The following SGMS1 variants were observed in gnomAD, a reference collection of about 807,000 sequenced individuals.
The protein encoded by SGMS1 is sphingomyelin synthase 1, also known as phosphatidylcholine:ceramide cholinephosphotransferase 1.
A neutral mutation model predicts 46.2 loss-of-function variants in SGMS1; 13 were observed. That is an observed-to-expected ratio of 0.28 (90% CI 0.18 to 0.45). The LOEUF (loss-of-function observed/expected upper bound fraction) is 0.45, where lower values mean the gene tolerates loss of function less well. SGMS1 is among the 20% of genes least tolerant of loss of function. The pLI is 1.00. For synonymous variants in SGMS1, 203 were observed against 187.8 expected (o/e 1.08, Z -0.66); for missense variants, 324 against 519.9 (o/e 0.62, Z 3.66).
intron 2 of SGMS1, among the ~76,000 whole-genome samples, chr10:50,569,166 A>G (rs1172432757): frequency 6.6e-6 from 1 of 151,702 alleles, no homozygotes; most frequent in South Asian, 2.1e-4. Context: ...GTGGGAGCCT[A>G]GGGGAGGGAT....
intron 2 of SGMS1, among the ~76,000 whole-genome samples, chr10:50,528,862 T>C (rs573619960): frequency 2.0e-5 from 3 of 152,170 alleles, no homozygotes; most frequent in Admixed American, 6.5e-5. Flanking sequence ...GAAGCCTAAA[T>C]CACTGACTGG....
At chr10:50,573,821 T>C (rs1027295757) in intron 2 of SGMS1, among the ~76,000 whole-genome samples, 2 of 152,074 alleles carry the variant, frequency 1.3e-5, no homozygotes, top group Non-Finnish European at 2.9e-5. Context: ...GGCATAAAGA[T>C]AAACATACAG....
intron 3 of SGMS1, among the ~76,000 whole-genome samples, chr10:50,488,150 A>C (rs535681038): frequency 1.3e-5 from 2 of 151,916 alleles, no homozygotes; most frequent in Non-Finnish European, 2.9e-5. Context: ...GGTAGCTGGG[A>C]TTATAAGCGC....
chr10:50,560,210 G>T (rs531723814), intron 2 of SGMS1, among the ~76,000 whole-genome samples: 2 of 139,288 alleles, frequency 1.4e-5, no homozygotes, highest in African/African-American at 2.6e-5. Context: ...ATTATATATC[G>T]CATATATATT....
intron 2 of SGMS1, among the ~76,000 whole-genome samples, chr10:50,555,030 G>T (rs1275843662): frequency 6.6e-6 from 1 of 152,170 alleles, no homozygotes; most frequent in Admixed American, 6.6e-5. Context: ...TAACCATATA[G>T]GAAAGAAGCC....
intron 6 of SGMS1, among the ~76,000 whole-genome samples, chr10:50,424,086 T>A (rs1437216988): frequency 6.6e-6 from 1 of 152,228 alleles, no homozygotes; most frequent in Non-Finnish European, 1.5e-5. Context: ...GAGCCAGCTG[T>A]ACAGCCATGT....
intron 2 of SGMS1, among the ~76,000 whole-genome samples, chr10:50,578,697 A>AT (rs530800503): frequency 1.5e-4 from 22 of 150,670 alleles, no homozygotes; most frequent in Non-Finnish European, 3.0e-4. Flanking sequence ...TCTGACCTGG[A>AT]TTTTTTTTTT....
intron 2 of SGMS1, among the ~76,000 whole-genome samples, chr10:50,527,337 T>A (rs1346435842): frequency 6.6e-6 from 1 of 152,226 alleles, no homozygotes; most frequent in Non-Finnish European, 1.5e-5. Context: ...GCAAGCAACA[T>A]GTGTGTATGT....
At chr10:50,343,273 T>G (rs1424523047) in intron 7 of SGMS1, 5 of 469,342 alleles carry the variant, frequency 1.1e-5, no homozygotes, top group Non-Finnish European at 1.8e-5. Flanking sequence ...ATCTTATTCA[T>G]CATCCTGTAT....
At chr10:50,375,779 C>T (rs1848514294) in intron 6 of SGMS1, among the ~76,000 whole-genome samples, 1 of 152,102 alleles carries the variant, frequency 6.6e-6, no homozygotes, top group African/African-American at 2.4e-5. Context: ...GTGTACAGAC[C>T]TCAAAACAGC....
At chr10:50,588,721 A>ATTTTTTTT (rs71029314) in intron 2 of SGMS1, among the ~76,000 whole-genome samples, 1 of 92,218 alleles carries the variant, frequency 1.1e-5, no homozygotes, top group Admixed American at 1.3e-4. Flanking sequence ...GACTGATCTA[A>ATTTTTTTT]TTTTTTTTTT....
intron 2 of SGMS1, among the ~76,000 whole-genome samples, chr10:50,543,042 T>C (rs1222927374): frequency 6.6e-6 from 1 of 152,140 alleles, no homozygotes; most frequent in Non-Finnish European, 1.5e-5. Context: ...ACATTAGGCA[T>C]CCACATCTGA....
intron 7 of SGMS1, among the ~76,000 whole-genome samples, chr10:50,333,853 A>C (rs1342117880): frequency 1.3e-5 from 2 of 152,370 alleles, no homozygotes; most frequent in East Asian, 3.9e-4. Flanking sequence ...ATGTGTCTGT[A>C]CATATACTAT....
chr10:50,495,814 A>G (rs910861548), intron 3 of SGMS1, among the ~76,000 whole-genome samples: 1 of 152,032 alleles, frequency 6.6e-6, no homozygotes, highest in African/African-American at 2.4e-5. Flanking sequence ...TCATACACAG[A>G]ACATGTTTGT....
At chr10:50,542,404 A>C (rs1838061045) in intron 2 of SGMS1, among the ~76,000 whole-genome samples, 1 of 152,186 alleles carries the variant, frequency 6.6e-6, no homozygotes, top group South Asian at 2.1e-4. Flanking sequence ...CATTTGTTTA[A>C]GAACAGATTA....
chr10:50,428,903 A>G (rs916999741), intron 6 of SGMS1, among the ~76,000 whole-genome samples: 11 of 152,196 alleles, frequency 7.2e-5, no homozygotes, highest in African/African-American at 2.4e-4. Context: ...ACCTAACACC[A>G]TAGCTTAGCT....
chr10:50,581,077 A>G (rs1262452152), intron 2 of SGMS1, among the ~76,000 whole-genome samples: 2 of 152,216 alleles, frequency 1.3e-5, no homozygotes, highest in East Asian at 3.9e-4. Flanking sequence ...CATCCCAGGG[A>G]CCAAATTTTA....
At chr10:50,604,787 T>C (rs895569618) in intron 1 of SGMS1, among the ~76,000 whole-genome samples, 3 of 152,204 alleles carry the variant, frequency 2.0e-5, no homozygotes, top group African/African-American at 7.2e-5. Context: ...CCTATAAATC[T>C]ACACATACAC....
intron 2 of SGMS1, among the ~76,000 whole-genome samples, chr10:50,560,790 T>C (rs968553815): frequency 6.6e-6 from 1 of 152,086 alleles, no homozygotes; most frequent in Non-Finnish European, 1.5e-5. Flanking sequence ...TTGTTTTTTC[T>C]TGCTGACTCT....
Sources: allele counts gnomAD v4.1 joint callset (sites outside exome capture counted in the v4.1 genomes callset), GRCh38; gene constraint gnomAD v4.1.1; transcripts MANE v1.5; gene names NCBI Gene and HGNC (gene_info 2026-07-23, HGNC 2026-07-21).